MPP2: variants seen among roughly 807,000 people sequenced by gnomAD.
MPP2 encodes MAGUK p55 subfamily member 2.
MPP2 carries 42 observed loss-of-function variants against 58.5 expected under a neutral mutation model. The ratio of observed to expected loss-of-function variants is 0.72; its 90% CI spans 0.56 to 0.93. MPP2 has a LOEUF of 0.93. Among genes scored for constraint, MPP2 ranks in the 40% least tolerant of loss-of-function variants. MPP2 has a pLI of 0.00. For missense variants in MPP2, 632 were observed against 760.4 expected (o/e 0.83, Z 1.99); for synonymous variants, 300 against 307.8 (o/e 0.97, Z 0.26).
intron 4 of MPP2, 49 bp downstream of exon 4, chr17:43,883,154 C>T: frequency 6.4e-7 from 1 of 1,564,282 alleles, no homozygotes; most frequent in Non-Finnish European, 8.7e-7. Context: ...CAGCATGCCC[C>T]AGTCCACCCA....
At position 43,876,516 on chromosome 17, in the gene MPP2, G is replaced by A. The variant is rs998471587; in HGVS notation, c.*1291C>T. On this transcript the variant is annotated 3_prime_UTR_variant, in exon 13 of 13. Coordinates refer to ENST00000269095, the MANE Select transcript of MPP2 (RefSeq NM_005374.5). ...GGGAGGAGACATCAGGAAAGGACCA[G>A]GGCTTTGGAGTCTGGGATCAGGGTA... is the stretch of plus-strand genomic sequence containing the variant. 2 of 152,266 alleles carry A rather than the reference G, an allele frequency of 1.3e-5. No homozygotes were observed. Among genetic ancestry groups the A allele is most frequent in the African/African-American group, 2.4e-5 (1 of 41,442 alleles). 9.4% of individuals were successfully genotyped at this position (152,266 alleles called of 1,614,324 possible).
At chr17:43,886,925 C>A (rs2047393275) in intron 3 of MPP2, among the ~76,000 whole-genome samples, 1 of 151,962 alleles carries the variant, frequency 6.6e-6, no homozygotes, top group African/African-American at 2.4e-5. Context: ...GGTTTTTATT[C>A]TTTTCCCTAT....
In MPP2 at chr17:43,879,431, G is replaced by A; in HGVS notation, c.1354-28C>T. On this transcript the variant is annotated intron_variant, in intron 11 of 12. Coordinates refer to ENST00000269095, the MANE Select transcript of MPP2 (RefSeq NM_005374.5). This position sits in a 1 kb window ranked among gnomAD's most constrained non-coding sequence, Gnocchi z 4.1. ...GCAGAAGGAGAAGGCAAGGTAGGGA[G>A]TATATCCCCATGTCTGTCCTAGGAA... 1 of 1,613,016 alleles carries A rather than the reference G, an allele frequency of 6.2e-7. No homozygotes were observed. Among genetic ancestry groups the A allele is most frequent in the Non-Finnish European group, 8.5e-7 (1 of 1,179,262 alleles).
rs2046911573 is a variant in MPP2 at position 43,877,840 on chromosome 17, C to T, written c.1626G>A (p.Glu542=). The T allele has an allele frequency of 6.2e-7, 1 of 1,613,988 alleles. No individual in the cohort carries two copies. The highest frequency in any genetic ancestry group is 8.5e-7 in the Non-Finnish European group (1 of 1,179,896). Residue 542 remains glutamate (E), a synonymous_variant, in exon 13 of 13, where the codon GAG becomes GAA. Transcript: ENST00000269095. ...LQTAMEKLRT[E]PQWVPVSWVY is the part of the protein sequence containing the mutation. ...CCCAGCTGACAGGCACCCACTGGGG[C>T]TCTGTCCGTAGCTTCTCCATGGCTG...
At chr17:43,902,568 G>A (rs1216309704) in intron 2 of MPP2, among the ~76,000 whole-genome samples, 1 of 152,194 alleles carries the variant, frequency 6.6e-6, no homozygotes, top group Non-Finnish European at 1.5e-5. Flanking sequence ...TGGGGACATT[G>A]GTGCCATCCC....
chr17:43,900,737 C>G (rs966401248), intron 2 of MPP2: 3 of 1,140,514 alleles, frequency 2.6e-6, no homozygotes, highest in Admixed American at 5.9e-5. Context: ...ACTGGCGCTG[C>G]GCGGTGCAGA....
At chr17:43,894,452 C>T (rs111714073) in intron 3 of MPP2, among the ~76,000 whole-genome samples, 65,364 of 76,994 alleles carry the variant, frequency 0.85, 27,090 homozygotes, top group East Asian at 0.97. Context: ...TATACACACA[C>T]ACACACACAC....
rs116621616 is a variant in MPP2, at chr17:43,883,939, A to G, written c.151-584T>C. ...AAGGAGCGCTGAAAACAGAAAAGGAATCCTTCGCCAGTGACCAGCCCAGTG... is the reference window on the plus strand; with the variant it reads ...AAGGAGCGCTGAAAACAGAAAAGGAGTCCTTCGCCAGTGACCAGCCCAGTG... On this transcript the variant is annotated intron_variant, in intron 3 of 12. Coordinates refer to ENST00000269095, the MANE Select transcript of MPP2 (RefSeq NM_005374.5). The G allele has an allele frequency of 1.9e-3, 1,067 of 565,018 alleles. 9 individuals carry two copies. The highest frequency in any genetic ancestry group is 0.018 in the African/African-American group (974 of 52,936). The allele number at this position is 565,018 out of a possible 1,614,324, so 35.0% of individuals were successfully genotyped here. A position where few individuals can be genotyped will look rare whatever the true frequency, so the allele number is the denominator to read the frequency against.
At chr17:43,900,437 C>G in intron 2 of MPP2, 1 of 1,544,868 alleles carries the variant, frequency 6.5e-7, no homozygotes, top group Non-Finnish European at 8.7e-7. Flanking sequence ...AAGGGGCCAG[C>G]TGCCCCGCCC....
intron 3 of MPP2, among the ~76,000 whole-genome samples, chr17:43,885,059 T>C (rs1277472566): frequency 1.3e-5 from 2 of 150,654 alleles, no homozygotes; most frequent in African/African-American, 4.9e-5. Flanking sequence ...GAGGTGGAGG[T>C]TGCAATGAGC....
intron 3 of MPP2, among the ~76,000 whole-genome samples, chr17:43,886,075 T>C (rs926929544): frequency 4.0e-5 from 6 of 150,340 alleles, no homozygotes; most frequent in Admixed American, 3.3e-4. Flanking sequence ...GCCACTGCCC[T>C]CCAGCCTGGG....
At chr17:43,904,540 T>C (rs769163043) in intron 1 of MPP2, 47 bp from the exon 2 acceptor site, 4 of 1,550,750 alleles carry the variant, frequency 2.6e-6, no homozygotes, top group East Asian at 2.3e-5. Flanking sequence ...GGCAAAGCAA[T>C]GGGGAAGGGA....
chr17:43,891,610 A>C (rs898672774), intron 3 of MPP2, among the ~76,000 whole-genome samples: 2 of 151,876 alleles, frequency 1.3e-5, no homozygotes, highest in African/African-American at 2.4e-5. Flanking sequence ...AAAAGAAATA[A>C]CTGGGCTGGG....
intron 2 of MPP2, 118 bp downstream of exon 2, chr17:43,904,312 T>C: frequency 1.2e-6 from 1 of 851,562 alleles, no homozygotes. Context: ...AGTGGTAGGG[T>C]GGACAGCAGT....
chr17:43,886,557 C>G (rs2047378240), intron 3 of MPP2, among the ~76,000 whole-genome samples: 1 of 152,208 alleles, frequency 6.6e-6, no homozygotes, highest in African/African-American at 2.4e-5. Context: ...GCATAGTATT[C>G]TATATCTGTG....
intron 2 of MPP2, chr17:43,901,574 C>G (rs1353739513): frequency 1.0e-6 from 1 of 985,304 alleles, no homozygotes; most frequent in African/African-American, 1.7e-5. Context: ...CATTGCACCC[C>G]TGGTTGCCAT....
chr17:43,887,635 C>A (rs2047426955), intron 3 of MPP2, among the ~76,000 whole-genome samples: 1 of 151,908 alleles, frequency 6.6e-6, no homozygotes, highest in Non-Finnish European at 1.5e-5. Context: ...TCCAGATGTT[C>A]CAATACCATT....
At chr17:43,889,488 G>A (rs1870476688) in intron 3 of MPP2, among the ~76,000 whole-genome samples, 1 of 151,024 alleles carries the variant, frequency 6.6e-6, no homozygotes, top group Non-Finnish European at 1.5e-5. Context: ...TTAGCCTCTC[G>A]AGTAGCTGGG....
chr17:43,883,271 C>T lies in MPP2; in HGVS notation c.235G>A (p.Ala79Thr). ...ELVQEILRDLAQLAEQSSTAA... is the reference protein window; with the variant it reads ...ELVQEILRDLTQLAEQSSTAA... ...GTGCTGCTCTGCTCAGCCAGCTGCGCCAGGTCCCGCAGGATCTCCTGCACC... is the reference window on the plus strand; with the variant it reads ...GTGCTGCTCTGCTCAGCCAGCTGCGTCAGGTCCCGCAGGATCTCCTGCACC... The change falls in exon 4 of 13, where the codon GCG becomes ACG. Residue 79 changes from alanine to threonine, a missense_variant. By Grantham distance (58) the Ala-to-Thr change is moderately conservative. Coordinates refer to ENST00000269095, the MANE Select transcript of MPP2 (RefSeq NM_005374.5). 2 of 1,612,588 alleles carry T rather than the reference C, an allele frequency of 1.2e-6. No homozygotes were observed. The highest frequency in any genetic ancestry group is 1.7e-6 in the Non-Finnish European group (2 of 1,179,598).
Sources: allele counts gnomAD v4.1 joint callset (sites outside exome capture counted in the v4.1 genomes callset), GRCh38; gene constraint gnomAD v4.1.1; non-coding constraint Gnocchi (gnomAD v3.1); transcripts MANE v1.5; gene names NCBI Gene and HGNC (gene_info 2026-07-23, HGNC 2026-07-21).